MAGI2: variants seen among roughly 807,000 people sequenced by gnomAD.
The protein encoded by MAGI2 is membrane associated guanylate kinase, WW and PDZ domain containing 2.
In MAGI2, 35 loss-of-function variants were observed where a neutral mutation model predicts 133.3. That is an observed-to-expected ratio of 0.26 (90% CI 0.20 to 0.35). MAGI2 has a LOEUF of 0.35. MAGI2 is among the 10% of genes least tolerant of loss of function. The pLI is 1.00. For missense variants in MAGI2, 1,636 were observed against 1,863.4 expected (o/e 0.88, Z 2.25); for synonymous variants, 729 against 710.6 (o/e 1.03, Z -0.41).
At chr7:78,599,691 C>T (rs770554856) in intron 3 of MAGI2, among the ~76,000 whole-genome samples, 1 of 152,138 alleles carries the variant, frequency 6.6e-6, no homozygotes, top group Non-Finnish European at 1.5e-5. Flanking sequence ...AAGACTATTG[C>T]AATGTGCCAT....
At chr7:78,973,697 ACCAGAAATAAT>A (rs1803985178) in intron 2 of MAGI2, among the ~76,000 whole-genome samples, 1 of 151,942 alleles carries the variant, frequency 6.6e-6, no homozygotes, top group African/African-American at 2.4e-5. Flanking sequence ...GGAGAAAAGC[ACCAGAAATAAT>A]GGCATAACAA....
intron 10 of MAGI2, among the ~76,000 whole-genome samples, chr7:78,215,445 A>G (rs1788175193): frequency 6.6e-6 from 1 of 152,180 alleles, no homozygotes; most frequent in Admixed American, 6.5e-5. Flanking sequence ...AGCTGAGAGG[A>G]TATGAGTAAG....
intron 1 of MAGI2, among the ~76,000 whole-genome samples, chr7:79,399,959 G>C (rs1232594111): frequency 6.6e-6 from 1 of 152,166 alleles, no homozygotes; most frequent in African/African-American, 2.4e-5. Flanking sequence ...GAATATTTTA[G>C]TCGCATATAT....
chr7:79,214,682 AT>A (rs1332653795), intron 1 of MAGI2, among the ~76,000 whole-genome samples: 2 of 140,338 alleles, frequency 1.4e-5, no homozygotes, highest in Non-Finnish European at 3.1e-5. Context: ...ATATAAATAT[AT>A]AATATATATT....
chr7:78,091,182 G>A (rs1817171687), intron 20 of MAGI2, among the ~76,000 whole-genome samples: 1 of 152,120 alleles, frequency 6.6e-6, no homozygotes, highest in Admixed American at 6.6e-5. Context: ...TGCACCCACT[G>A]CTATGGTCTG....
At chr7:78,209,543 G>A (rs559431774) in intron 10 of MAGI2, among the ~76,000 whole-genome samples, 2 of 152,010 alleles carry the variant, frequency 1.3e-5, no homozygotes, top group African/African-American at 4.8e-5. Context: ...TTACAGGTGT[G>A]AGTCACCGTG....
At chr7:78,506,649 C>T (rs569515883) in intron 4 of MAGI2, among the ~76,000 whole-genome samples, 14 of 152,270 alleles carry the variant, frequency 9.2e-5, no homozygotes, top group South Asian at 6.2e-4. Flanking sequence ...TTAACTGTGG[C>T]CAAAGCTTCT....
intron 9 of MAGI2, among the ~76,000 whole-genome samples, chr7:78,312,634 G>A (rs1798806225): frequency 6.6e-6 from 1 of 152,034 alleles, no homozygotes; most frequent in South Asian, 2.1e-4. Context: ...TAATAATCAG[G>A]GAAATGCAAA....
chr7:79,043,718 C>A (rs1267518143), intron 1 of MAGI2, among the ~76,000 whole-genome samples: 1 of 151,844 alleles, frequency 6.6e-6, no homozygotes, highest in Non-Finnish European at 1.5e-5. Flanking sequence ...AAGACATTTA[C>A]CACTGGCCCC....
chr7:78,863,335 T>G (rs752356879), intron 2 of MAGI2, among the ~76,000 whole-genome samples: 1 of 151,992 alleles, frequency 6.6e-6, no homozygotes, highest in Non-Finnish European at 1.5e-5. Flanking sequence ...GGCTGAAAAA[T>G]TGTGCATCTG....
At chr7:78,869,399 T>G (rs558943118) in intron 2 of MAGI2, among the ~76,000 whole-genome samples, 6 of 152,318 alleles carry the variant, frequency 3.9e-5, no homozygotes, top group Admixed American at 3.9e-4. Flanking sequence ...TTGATTTTTG[T>G]GCAGAGTGAG....
At chr7:78,207,721 A>G (rs1384001949) in intron 10 of MAGI2, among the ~76,000 whole-genome samples, 1 of 152,210 alleles carries the variant, frequency 6.6e-6, no homozygotes, top group Non-Finnish European at 1.5e-5. Flanking sequence ...GACCTAGGCT[A>G]AGAAAAGACC....
chr7:78,688,242 T>C (rs1435197440), intron 2 of MAGI2, among the ~76,000 whole-genome samples: 6 of 152,152 alleles, frequency 3.9e-5, no homozygotes, highest in Non-Finnish European at 8.8e-5. Flanking sequence ...ACCTATTTTT[T>C]AGCCTTTCAC....
intron 2 of MAGI2, among the ~76,000 whole-genome samples, chr7:78,936,496 C>CTTTTTTG (rs1319926741): frequency 1.3e-5 from 2 of 151,890 alleles, no homozygotes; most frequent in Non-Finnish European, 2.9e-5. Context: ...TATATATGTA[C>CTTTTTTG]TTTTGGCATT....
chr7:78,768,320 T>C (rs1015452540), intron 2 of MAGI2, among the ~76,000 whole-genome samples: 2 of 152,224 alleles, frequency 1.3e-5, no homozygotes, highest in Non-Finnish European at 2.9e-5. Flanking sequence ...TTGTTTGCTG[T>C]TCTACTATAA....
At chr7:79,092,391 T>C (rs1184179888) in intron 1 of MAGI2, among the ~76,000 whole-genome samples, 2 of 152,186 alleles carry the variant, frequency 1.3e-5, no homozygotes, top group African/African-American at 4.8e-5. Flanking sequence ...TGAATAATCC[T>C]ATGATTTTGA....
chr7:79,429,103 T>C (rs2129185150), intron 1 of MAGI2, among the ~76,000 whole-genome samples: 1 of 152,218 alleles, frequency 6.6e-6, no homozygotes, highest in African/African-American at 2.4e-5. Flanking sequence ...CTTCATAAAT[T>C]AAGGATGTAT....
chr7:78,832,217 G>A (rs1451038498), intron 2 of MAGI2, among the ~76,000 whole-genome samples: 2 of 151,188 alleles, frequency 1.3e-5, no homozygotes, highest in African/African-American at 4.9e-5. Flanking sequence ...GAAATTCTAA[G>A]AATTGGTAGT....
intron 1 of MAGI2, among the ~76,000 whole-genome samples, chr7:79,029,236 T>C (rs1810324968): frequency 6.6e-6 from 1 of 152,082 alleles, no homozygotes; most frequent in Admixed American, 6.6e-5. Context: ...CTCCGAAAAA[T>C]CTGGAGAAAT....
Sources: allele counts gnomAD v4.1 joint callset (sites outside exome capture counted in the v4.1 genomes callset), GRCh38; gene constraint gnomAD v4.1.1; transcripts MANE v1.5; gene names NCBI Gene and HGNC (gene_info 2026-07-23, HGNC 2026-07-21).